EDARADD: variants seen among roughly 807,000 people sequenced by gnomAD.
EDARADD encodes ectodysplasin-A receptor-associated adapter protein.
A neutral mutation model predicts 25.6 loss-of-function variants in EDARADD; 20 were observed. The ratio of observed to expected loss-of-function variants is 0.78; its 90% confidence interval spans 0.55 to 1.14. EDARADD has a LOEUF of 1.14. Ranked by LOEUF, EDARADD falls within the 50% of genes most tolerant of loss-of-function variation. EDARADD has a pLI of 0.00. For synonymous variants in EDARADD, 86 were observed against 94.4 expected (o/e 0.91, Z 0.52); for missense variants, 225 against 270.1 (o/e 0.83, Z 1.17).
chr1:236,447,094 C>CTTCTT (rs1387000152), intron 4 of EDARADD, among the ~76,000 whole-genome samples: 2 of 152,120 alleles, frequency 1.3e-5, no homozygotes, highest in Non-Finnish European at 2.9e-5. Context: ...GGCAGTGCCT[C>CTTCTT]TTCTTTTCTT....
In EDARADD at chr1:236,427,436, G is replaced by C; in HGVS notation, c.205G>C (p.Asp69His). The C allele has an allele frequency of 6.2e-7, 1 of 1,610,980 alleles. No homozygotes were observed. The highest frequency in any genetic ancestry group is 8.5e-7 in the Non-Finnish European group (1 of 1,178,972). Residue 69 changes from aspartate to histidine, a missense_variant, in exon 4 of 6, where the codon GAT becomes CAT. Physicochemically the swap from Asp to His is moderately conservative, Grantham distance 81. Transcript: ENST00000334232. Reference protein sequence around the residue: ...TITLNCPRNSDMKNQGEENGF... With the variant: ...TITLNCPRNSHMKNQGEENGF... Reference sequence around the variant, plus strand: ...TACTTTGAACTGCCCACGAAATTCAGATATGAAAAATCAGGTAAGAATAAT... The same window carrying C: ...TACTTTGAACTGCCCACGAAATTCACATATGAAAAATCAGGTAAGAATAAT...
chr1:236,409,068 T>TA lies in EDARADD; in HGVS notation c.62-129dup, dbSNP rs772223735. The TA allele has an allele frequency of 0.056, 18,784 of 332,858 alleles. 768 individuals carry two copies. Among genetic ancestry groups the TA allele is most frequent in the African/African-American group, 0.2 (7,745 of 39,472 alleles). The allele number at this position is 332,858 out of a possible 1,614,324, so 20.6% of individuals were successfully genotyped here. On this transcript the variant is annotated intron_variant, in intron 1 of 5. Transcript: ENST00000334232. ...ACCTCACCCAGCCAATCCTATTTCT[T>TA]AAAAAAAAAAAAAAAAAAAGGAGTA...
chr1:236,460,928 T>A (rs948736487), intron 4 of EDARADD, among the ~76,000 whole-genome samples: 2 of 152,044 alleles, frequency 1.3e-5, no homozygotes, highest in Admixed American at 1.3e-4. Context: ...TTCAAGCGAT[T>A]CTCCTGCCTC....
At chr1:236,456,142 C>T (rs182214102) in intron 4 of EDARADD, among the ~76,000 whole-genome samples, 7 of 152,288 alleles carry the variant, frequency 4.6e-5, no homozygotes, top group East Asian at 3.9e-4. Flanking sequence ...CGTGCAGTGG[C>T]GCGATCTCTG....
chr1:236,412,565 C>G (rs77253788), intron 2 of EDARADD, among the ~76,000 whole-genome samples: 1,889 of 152,240 alleles, frequency 0.012, 34 homozygotes, highest in African/African-American at 0.043. Flanking sequence ...CCAACAGACT[C>G]TCTGTTTCAG....
chr1:236,420,242 C>A (rs1403857002), intron 3 of EDARADD, among the ~76,000 whole-genome samples: 1 of 152,164 alleles, frequency 6.6e-6, no homozygotes, highest in Non-Finnish European at 1.5e-5. Context: ...AATCAAATGG[C>A]TTAATCAATC....
chr1:236,403,479 G>A (rs1450830612), intron 1 of EDARADD, among the ~76,000 whole-genome samples: 1 of 151,712 alleles, frequency 6.6e-6, no homozygotes, highest in Non-Finnish European at 1.5e-5. Context: ...AGTAGAGACG[G>A]GGTTTCACCA....
At chr1:236,391,255 G>A (rs34109694), upstream of EDARADD, among the ~76,000 whole-genome samples, 147 of 152,280 alleles carry the variant, frequency 9.7e-4, no homozygotes, top group African/African-American at 3.4e-3. Context: ...CAGGGGTGAT[G>A]TCGCCACCAC....
intron 3 of EDARADD, among the ~76,000 whole-genome samples, chr1:236,355,377 G>T (rs1188672870): frequency 6.6e-6 from 1 of 151,740 alleles, no homozygotes; most frequent in African/African-American, 2.4e-5. Flanking sequence ...GCTTCAAAAT[G>T]TATTTGTGTG....
intron 4 of EDARADD, among the ~76,000 whole-genome samples, chr1:236,454,984 G>A (rs1366872467): frequency 1.3e-5 from 2 of 152,198 alleles, no homozygotes; most frequent in South Asian, 2.1e-4. Flanking sequence ...GGCCAAGGCG[G>A]GCAGATCATG....
intron 5 of EDARADD, among the ~76,000 whole-genome samples, chr1:236,479,574 G>A (rs556911643): frequency 7.2e-5 from 11 of 152,002 alleles, no homozygotes; most frequent in African/African-American, 2.7e-4. Flanking sequence ...AGCTTCATTG[G>A]AGTCTTTAGA....
chr1:236,473,657 C>T (rs759572153), intron 5 of EDARADD, among the ~76,000 whole-genome samples: 9 of 152,086 alleles, frequency 5.9e-5, no homozygotes, highest in African/African-American at 9.7e-5. Flanking sequence ...CGGTGGCGTG[C>T]GCCTGTGGTC....
At chr1:236,377,903 C>T (rs1241412626) in intron 3 of EDARADD, among the ~76,000 whole-genome samples, 3 of 151,722 alleles carry the variant, frequency 2.0e-5, no homozygotes, top group African/African-American at 4.8e-5. Context: ...AACTTTTTGC[C>T]TTTTAGTATG....
At chr1:236,459,432 G>A (rs1007394251) in intron 4 of EDARADD, among the ~76,000 whole-genome samples, 4 of 152,006 alleles carry the variant, frequency 2.6e-5, no homozygotes, top group African/African-American at 4.8e-5. Context: ...GTCCTGGAAC[G>A]GTTATGTCTT....
In EDARADD at chr1:236,478,359, A is replaced by ATGTGTGTGTGTG. The variant is rs35531700; in HGVS notation, c.266-3892_266-3881dup. ...TAGTTTATCCAAAATCCATATATAT[A>ATGTGTGTGTGTG]TGTGTGTGTGTGTGTGTGTGTGTGT... On this transcript the variant is annotated intron_variant, in intron 5 of 5. Transcript: ENST00000334232. Among the ~76,000 whole-genome samples the ATGTGTGTGTGTG allele has an allele frequency of 4.8e-3, 699 of 144,798 alleles. 5 individuals carry two copies. The highest frequency in any genetic ancestry group is 0.029 in the Middle Eastern group (8 of 278). 95.0% of individuals were successfully genotyped at this position (144,798 alleles called of 152,430 possible).
At chr1:236,422,478 A>G (rs77896710) in intron 3 of EDARADD, among the ~76,000 whole-genome samples, 15,070 of 152,214 alleles carry the variant, frequency 0.099, 959 homozygotes, top group Admixed American at 0.17. Flanking sequence ...AACTGTGCAG[A>G]TGGGGCGATT....
chr1:236,404,418 T>C (rs1285461646), intron 1 of EDARADD, among the ~76,000 whole-genome samples: 1 of 152,026 alleles, frequency 6.6e-6, no homozygotes, highest in Non-Finnish European at 1.5e-5. Context: ...GGATCTAAAA[T>C]AAAGGCCAGG....
intron 1 of EDARADD, among the ~76,000 whole-genome samples, chr1:236,394,743 A>C (rs954207480): frequency 5.9e-5 from 9 of 152,192 alleles, no homozygotes; most frequent in Admixed American, 5.2e-4. Context: ...CTTATGATGG[A>C]TGATAGCTTT....
At chr1:236,414,737 GT>G (rs1355345523) in intron 3 of EDARADD, among the ~76,000 whole-genome samples, 1 of 152,124 alleles carries the variant, frequency 6.6e-6, no homozygotes, top group Non-Finnish European at 1.5e-5. Flanking sequence ...TGTGGGCGTG[GT>G]GGCAGGCACC....
Sources: allele counts gnomAD v4.1 joint callset (sites outside exome capture counted in the v4.1 genomes callset), GRCh38; gene constraint gnomAD v4.1.1; transcripts MANE v1.5; gene names NCBI Gene and HGNC (gene_info 2026-07-23, HGNC 2026-07-21).